Variants in DOCK10 observed in about 807,000 individuals in gnomAD.
The protein encoded by DOCK10 is dedicator of cytokinesis protein 10.
A neutral mutation model predicts 280.1 loss-of-function variants in DOCK10; 145 were observed. The ratio of observed to expected loss-of-function variants is 0.52; its 90% CI spans 0.45 to 0.59. The LOEUF (loss-of-function observed/expected upper bound fraction) is 0.59. DOCK10 is among the 20% of genes least tolerant of loss of function. DOCK10 has a pLI of 0.00. For synonymous variants in DOCK10, 915 were observed against 942.2 expected, an observed-to-expected ratio of 0.97 and a Z score of 0.53; for missense variants, 2,368 against 2,651.7, an observed-to-expected ratio of 0.89 and a Z score of 2.35.
intron 4 of DOCK10, among the ~76,000 whole-genome samples, chr2:224,893,040 C>T (rs1382095653): frequency 6.6e-6 from 1 of 152,204 alleles, no homozygotes; most frequent in East Asian, 1.9e-4. Context: ...CAGACCTTAC[C>T]CTTTGGTGTT....
chr2:225,031,927 C>A (rs1377898031), intron 1 of DOCK10, among the ~76,000 whole-genome samples: 5 of 152,112 alleles, frequency 3.3e-5, no homozygotes, highest in African/African-American at 1.2e-4. Flanking sequence ...TTCCACTAGC[C>A]CTGTCCTCAG....
intron 17 of DOCK10, among the ~76,000 whole-genome samples, 187 bp downstream of exon 17, chr2:224,852,748 G>A (rs762581721): frequency 1.2e-4 from 19 of 152,218 alleles, no homozygotes; most frequent in South Asian, 2.1e-4. Flanking sequence ...AATATGCTAC[G>A]AAACTGCATC....
Position 225,007,728 on chromosome 2 carries a change from G to C in DOCK10, c.123+34524C>G, listed in dbSNP as rs112679147. ...TAATTCTTGGAGACAGATTAGGAAG[G>C]ATACAGACAAGCAGGACCGATTGCA... On this transcript the variant is annotated intron_variant, in intron 1 of 55. Coordinates refer to ENST00000258390, the MANE Select transcript of DOCK10 (RefSeq NM_014689.3). Among the ~76,000 whole-genome samples the C allele has an allele frequency of 6.7e-3, 1,026 of 152,194 alleles. 13 individuals carry two copies. The highest frequency in any genetic ancestry group is 0.022 in the African/African-American group (934 of 41,516).
chr2:225,012,771 TA>T (rs1689480635), intron 1 of DOCK10, among the ~76,000 whole-genome samples: 1 of 152,196 alleles, frequency 6.6e-6, no homozygotes, highest in African/African-American at 2.4e-5. Context: ...AACTAATCTT[TA>T]CAAAAACTAT....
At chr2:224,960,199 C>A (rs1380860487) in intron 1 of DOCK10, among the ~76,000 whole-genome samples, 1 of 152,064 alleles carries the variant, frequency 6.6e-6, no homozygotes, top group Non-Finnish European at 1.5e-5. Context: ...ATTGTTATTC[C>A]TATTGTTCCT....
At chr2:224,838,505 T>C (rs1037416324) in intron 24 of DOCK10, among the ~76,000 whole-genome samples, 2 of 152,200 alleles carry the variant, frequency 1.3e-5, no homozygotes, top group Non-Finnish European at 2.9e-5. Flanking sequence ...CACATTCACA[T>C]GCTGAAAAGA....
chr2:224,823,398 G>T, intron 28 of DOCK10, 103 bp downstream of exon 28: 1 of 1,015,052 alleles, frequency 9.9e-7, no homozygotes, highest in Non-Finnish European at 1.3e-6. Context: ...TGCTAGTTTT[G>T]ATTTTTCATC....
At chr2:224,870,452 T>A (rs1207929803) in intron 11 of DOCK10, among the ~76,000 whole-genome samples, 1 of 152,200 alleles carries the variant, frequency 6.6e-6, no homozygotes, top group Non-Finnish European at 1.5e-5. Context: ...ATCAGATTAC[T>A]CCTAACACTT....
At chr2:224,976,102 G>C (rs895762519) in intron 1 of DOCK10, among the ~76,000 whole-genome samples, 1 of 152,126 alleles carries the variant, frequency 6.6e-6, no homozygotes, top group East Asian at 1.9e-4. Flanking sequence ...ATGTGAATTA[G>C]TTTACAATGT....
rs145420275 is a variant in DOCK10, at chr2:224,838,838, C to G, written c.2781-1007G>C. ...AAATTGTGATTTGTGAAGGCATTGG[C>G]CAGATTAGAGATGTTGGAAGAATTC... On this transcript the variant is annotated intron_variant, in intron 24 of 55. Transcript: ENST00000258390. Among the ~76,000 whole-genome samples, 30 of 152,132 alleles carry G rather than the reference C, an allele frequency of 2.0e-4. No homozygotes were observed. In the East Asian group the frequency reaches 5.8e-3, roughly 29 times the overall value.
chr2:224,887,287 C>T (rs539782232), intron 4 of DOCK10, among the ~76,000 whole-genome samples: 168 of 152,236 alleles, frequency 1.1e-3, no homozygotes, highest in African/African-American at 3.8e-3. Context: ...AGAACCATGA[C>T]CCTGAGAACC....
At chr2:224,946,592 T>A (rs946167076) in intron 1 of DOCK10, among the ~76,000 whole-genome samples, 1 of 152,210 alleles carries the variant, frequency 6.6e-6, no homozygotes. Flanking sequence ...AAATTCCAAA[T>A]ATTATAGTAA....
intron 1 of DOCK10, among the ~76,000 whole-genome samples, chr2:224,991,223 T>G (rs574518095): frequency 6.6e-6 from 1 of 152,048 alleles, no homozygotes; most frequent in Admixed American, 6.5e-5. Context: ...GGAATGAGGG[T>G]GAAATAACGC....
In DOCK10 at chr2:224,797,989, G is replaced by A; in HGVS notation, c.4507-20C>T. On this transcript the variant is annotated intron_variant, in intron 41 of 55. Transcript: ENST00000258390. Reference sequence around the variant, plus strand: ...TTGTCTCTGGAAATTCAATGCAGATGTTATTCAGGATAAGTGAAAGAAAAT... The same window carrying A: ...TTGTCTCTGGAAATTCAATGCAGATATTATTCAGGATAAGTGAAAGAAAAT... 6.2e-7 allele frequency: 1 copy of A among 1,610,760 alleles called. No homozygotes were observed. The highest frequency in any genetic ancestry group is 1.1e-5 in the South Asian group (1 of 90,752).
intron 27 of DOCK10, among the ~76,000 whole-genome samples, chr2:224,828,369 G>C (rs902388699): frequency 9.2e-5 from 14 of 152,164 alleles, no homozygotes; most frequent in African/African-American, 3.4e-4. Flanking sequence ...CACTGCTAGG[G>C]TTGCTCTGAG....
intron 1 of DOCK10, among the ~76,000 whole-genome samples, chr2:224,989,121 G>A (rs545838101): frequency 2.7e-4 from 41 of 152,204 alleles, no homozygotes; most frequent in Non-Finnish European, 4.7e-4. Context: ...TGGAGAGTTG[G>A]CTGACAGCTC....
At chr2:225,016,419 A>G (rs1401471747) in intron 1 of DOCK10, among the ~76,000 whole-genome samples, 1 of 151,658 alleles carries the variant, frequency 6.6e-6, no homozygotes, top group East Asian at 1.9e-4. Flanking sequence ...TAAGAAGGCA[A>G]GTATCTTATT....
rs927594073 is a variant in DOCK10, at chr2:224,936,295, C to T, written c.124-4627G>A. Among the ~76,000 whole-genome samples, 4 of 152,176 alleles carry T rather than the reference C, an allele frequency of 2.6e-5. No homozygotes were observed. The South Asian group carries it at 6.2e-4, about 24-fold the overall frequency. On this transcript the variant is annotated intron_variant, in intron 1 of 55. Coordinates refer to ENST00000258390, the MANE Select transcript of DOCK10 (RefSeq NM_014689.3). ...AATTGGCTTTTCTTTTTGGAAAACA[C>T]GAAGTGGCTGGAGTTCATGATCAAG... is the stretch of plus-strand genomic sequence containing the variant.
At chr2:224,987,443 T>A (rs1706003709) in intron 1 of DOCK10, among the ~76,000 whole-genome samples, 1 of 152,110 alleles carries the variant, frequency 6.6e-6, no homozygotes, top group African/African-American at 2.4e-5. Flanking sequence ...TCAGCACAGA[T>A]AAAACACTAG....
Sources: gnomAD v4.1 joint callset for allele counts (sites outside exome capture counted in the v4.1 genomes callset) on GRCh38, gnomAD v4.1.1 for gene constraint, MANE v1.5 for transcripts, NCBI Gene and HGNC (gene_info 2026-07-23, HGNC 2026-07-21) for gene names.